The following MAML2 variants were observed in gnomAD, a reference collection of about 807,000 sequenced individuals.
MAML2 encodes the protein mastermind like transcriptional coactivator 2.
A neutral mutation model predicts 96.1 loss-of-function variants in MAML2; 22 were observed. The ratio of observed to expected loss-of-function variants is 0.23; its 90% CI spans 0.16 to 0.33. The LOEUF is 0.33. Ranked by LOEUF, MAML2 falls within the 10% of genes least tolerant of loss-of-function variation. The pLI is 1.00. For missense variants in MAML2, 1,367 were observed against 1,392.4 expected (o/e 0.98, Z 0.29); for synonymous variants, 561 against 521.3 (o/e 1.08, Z -1.04).
intron 2 of MAML2, among the ~76,000 whole-genome samples, chr11:96,046,904 T>C (rs11826468): frequency 0.026 from 3,884 of 152,290 alleles, 128 homozygotes; most frequent in East Asian, 0.085. Flanking sequence ...TCTCAAAATG[T>C]TTAGTTGGCA....
At chr11:96,335,308 A>G (rs895416803) in intron 1 of MAML2, among the ~76,000 whole-genome samples, 1 of 152,218 alleles carries the variant, frequency 6.6e-6, no homozygotes, top group African/African-American at 2.4e-5. Flanking sequence ...CCTTTTCCAC[A>G]TTAGTATACA....
chr11:96,243,244 A>G (rs897341593), intron 1 of MAML2, among the ~76,000 whole-genome samples: 4 of 152,150 alleles, frequency 2.6e-5, no homozygotes, highest in Non-Finnish European at 2.9e-5. Flanking sequence ...CAAGCTGACA[A>G]AAGAAGACAT....
intron 2 of MAML2, among the ~76,000 whole-genome samples, chr11:96,043,922 A>G (rs1485955090): frequency 6.6e-6 from 1 of 152,262 alleles, no homozygotes; most frequent in African/African-American, 2.4e-5. Context: ...CTCTGGTAGT[A>G]ACTTCCATAA....
intron 1 of MAML2, among the ~76,000 whole-genome samples, chr11:96,186,290 C>T (rs771016435): frequency 1.3e-5 from 2 of 152,130 alleles, no homozygotes; most frequent in African/African-American, 2.4e-5. Flanking sequence ...CAAAAGTGTA[C>T]TATAAAAGTG....
At position 96,141,071 on chromosome 11, in the gene MAML2, A is replaced by C. The variant is rs375016878; in HGVS notation, c.514-47554T>G. On this transcript the variant is annotated intron_variant, in intron 1 of 4. Coordinates refer to ENST00000524717, the MANE Select transcript of MAML2 (RefSeq NM_032427.4). ...GCCTGTCTTTACCATACTGTTGACCATATCTTTATTGTTAGTTATCCAATA... is the reference window on the plus strand; with the variant it reads ...GCCTGTCTTTACCATACTGTTGACCCTATCTTTATTGTTAGTTATCCAATA... Among the ~76,000 whole-genome samples, 12 of 152,158 alleles carry C rather than the reference A, an allele frequency of 7.9e-5. No individual in the cohort carries two copies. In the East Asian group the frequency reaches 1.9e-3, roughly 24 times the overall value.
chr11:96,026,996 T>C (rs989397151), intron 2 of MAML2, among the ~76,000 whole-genome samples: 8 of 152,134 alleles, frequency 5.3e-5, no homozygotes, highest in Non-Finnish European at 1.0e-4. Flanking sequence ...AATCGATGAA[T>C]AAATAAACCA....
At chr11:96,098,699 C>T (rs1264362180) in intron 1 of MAML2, among the ~76,000 whole-genome samples, 1 of 152,222 alleles carries the variant, frequency 6.6e-6, no homozygotes, top group Admixed American at 6.5e-5. Flanking sequence ...GCGGTCTCTG[C>T]TGGGGAAAGG....
intron 1 of MAML2, among the ~76,000 whole-genome samples, chr11:96,121,779 G>GTTTTTTTTTTTTTTTTTTTTTTTTTT (rs1405872923): frequency 4.9e-5 from 2 of 40,810 alleles, no homozygotes; most frequent in East Asian, 9.3e-4. Flanking sequence ...CCAACTGCGT[G>GTTTTTTTTTTTTTTTTTTTTTTTTTT]ATTTTTTTTT....
At chr11:96,298,659 A>G (rs1863334878) in intron 1 of MAML2, among the ~76,000 whole-genome samples, 2 of 151,382 alleles carry the variant, frequency 1.3e-5, no homozygotes, top group South Asian at 4.2e-4. Flanking sequence ...CACTATATAC[A>G]CAATATGTAT....
intron 1 of MAML2, among the ~76,000 whole-genome samples, chr11:96,296,353 TA>T (rs138326642): frequency 0.033 from 4,976 of 152,094 alleles, 120 homozygotes; most frequent in Middle Eastern, 0.065. Flanking sequence ...AGAATAAAAA[TA>T]AGAAGGGAGG....
chr11:96,231,181 C>A (rs1222412313), intron 1 of MAML2, among the ~76,000 whole-genome samples: 1 of 152,002 alleles, frequency 6.6e-6, no homozygotes, highest in East Asian at 1.9e-4. Context: ...CTCCTGATTC[C>A]CACAGGTAAA....
Position 96,294,984 on chromosome 11 carries a change from T to G in MAML2, c.513+46399A>C, listed in dbSNP as rs74469104. 3.4e-3 allele frequency among the ~76,000 whole-genome samples: 524 copies of G among 152,272 alleles called. 3 individuals carry two copies. The highest frequency in any genetic ancestry group is 0.012 in the African/African-American group (507 of 41,550). On this transcript the variant is annotated intron_variant, in intron 1 of 4. Transcript: ENST00000524717. ...AATTAATTTTGTTCTCTTTGGCCAG[T>G]AACATTGACTTTGGTAAAATGACCA...
chr11:96,126,417 G>T (rs1345118654), intron 1 of MAML2, among the ~76,000 whole-genome samples: 2 of 135,892 alleles, frequency 1.5e-5, no homozygotes, highest in Admixed American at 1.6e-4. Context: ...AATTAGCCAG[G>T]TGTAGTAGCA....
chr11:96,088,673 A>G (rs73523526), intron 2 of MAML2, among the ~76,000 whole-genome samples: 11,231 of 152,218 alleles, frequency 0.074, 1,081 homozygotes, highest in African/African-American at 0.22. Flanking sequence ...TGTTTTCCCC[A>G]TCTCTGGAGA....
intron 2 of MAML2, among the ~76,000 whole-genome samples, chr11:96,027,265 A>G (rs563772582): frequency 6.6e-6 from 1 of 152,346 alleles, no homozygotes; most frequent in African/African-American, 2.4e-5. Context: ...ATAGAGTGCT[A>G]TTAAAGCTAG....
At chr11:96,140,586 G>A (rs1218771023) in intron 1 of MAML2, among the ~76,000 whole-genome samples, 2 of 152,192 alleles carry the variant, frequency 1.3e-5, no homozygotes, top group African/African-American at 4.8e-5. Flanking sequence ...ACATGCAGAG[G>A]CACTTCTCAG....
intron 1 of MAML2, among the ~76,000 whole-genome samples, chr11:96,193,204 T>C (rs1176385873): frequency 6.6e-6 from 1 of 152,118 alleles, no homozygotes; most frequent in Non-Finnish European, 1.5e-5. Context: ...CCATCTCTAC[T>C]AAAAATACAA....
At chr11:96,052,861 G>A (rs7103381) in intron 2 of MAML2, among the ~76,000 whole-genome samples, 10,050 of 152,258 alleles carry the variant, frequency 0.066, 404 homozygotes, top group African/African-American at 0.12. Flanking sequence ...TGGCTTCTTT[G>A]CCTAGAATGA....
At chr11:96,040,833 C>A (rs1194835918) in intron 2 of MAML2, among the ~76,000 whole-genome samples, 1 of 152,170 alleles carries the variant, frequency 6.6e-6, no homozygotes, top group Non-Finnish European at 1.5e-5. Context: ...CCTAAGATAA[C>A]TATTATTCTG....
Sources: allele counts gnomAD v4.1 joint callset (sites outside exome capture counted in the v4.1 genomes callset), GRCh38; gene constraint gnomAD v4.1.1; transcripts MANE v1.5; gene names NCBI Gene and HGNC (gene_info 2026-07-23, HGNC 2026-07-21).